GPHN: variants seen among roughly 807,000 people sequenced by gnomAD.
GPHN encodes gephyrin.
Under a neutral mutation model 95.5 loss-of-function variants are expected in GPHN, and 17 were observed. The ratio of observed to expected loss-of-function variants is 0.18; its 90% CI spans 0.12 to 0.27. The LOEUF (loss-of-function observed/expected upper bound fraction) is 0.27, where lower values mean the gene tolerates loss of function less well. GPHN is among the 10% of genes least tolerant of loss of function. The probability of loss-of-function intolerance (pLI) is 1.00; values close to 1 mark genes in which losing one functional copy is unlikely to be tolerated. For missense variants in GPHN, 660 were observed against 978.1 expected, an observed-to-expected ratio of 0.67 and a Z score of 4.34; for synonymous variants, 320 against 322.5, an observed-to-expected ratio of 0.99 and a Z score of 0.08.
At chr14:67,321,057 A>C in the GPHN span, 1 of 1,614,024 alleles carries the variant, frequency 6.2e-7, no homozygotes, top group Non-Finnish European at 8.5e-7. Flanking sequence ...GTTTGCCTAG[A>C]TACAACCCGG....
intron 9 of GPHN, among the ~76,000 whole-genome samples, chr14:67,004,956 C>G (rs903894914): frequency 6.6e-6 from 1 of 151,594 alleles, no homozygotes; most frequent in Admixed American, 6.6e-5. Context: ...ATCATTTAAT[C>G]GGCTTTATTG....
At chr14:67,511,340 C>T in the GPHN span, among the ~76,000 whole-genome samples, 1 of 115,912 alleles carries the variant, frequency 8.6e-6, no homozygotes, top group Non-Finnish European at 2.0e-5. Context: ...CAGCTGAAGT[C>T]TTATTTAAAA....
At chr14:67,337,325 A>C in the GPHN span, 1 of 152,244 alleles carries the variant, frequency 6.6e-6, no homozygotes, top group Non-Finnish European at 1.5e-5. Flanking sequence ...CAGCCTGGCC[A>C]ACATGGTGAA....
the GPHN span, among the ~76,000 whole-genome samples, chr14:67,526,339 GT>G: frequency 2.0e-5 from 3 of 152,204 alleles, no homozygotes; most frequent in African/African-American, 7.2e-5. Context: ...ATCTCTTCCT[GT>G]CCCCTGCCCG....
intron 4 of GPHN, among the ~76,000 whole-genome samples, chr14:66,827,168 C>T (rs938321317): frequency 1.3e-5 from 2 of 151,986 alleles, no homozygotes; most frequent in Admixed American, 6.6e-5. Flanking sequence ...GCCTGTAATC[C>T]CAGCTACTTG....
intron 12 of GPHN, among the ~76,000 whole-genome samples, chr14:67,094,401 T>A (rs922131916): frequency 6.6e-6 from 1 of 152,186 alleles, no homozygotes; most frequent in African/African-American, 2.4e-5. Context: ...TGGTTTATAT[T>A]GCTTTTATCA....
the GPHN span, among the ~76,000 whole-genome samples, chr14:67,187,658 C>T: frequency 6.2e-4 from 94 of 152,322 alleles, no homozygotes; most frequent in South Asian, 2.1e-4. Context: ...CATCTAGGCT[C>T]TTCTTCCGTG....
the GPHN span, chr14:67,332,634 A>G: frequency 1.4e-6 from 1 of 719,018 alleles, no homozygotes; most frequent in Non-Finnish European, 2.2e-6. Flanking sequence ...TGTGGCCGTG[A>G]CAGGGTTGGA....
At position 66,545,470 on chromosome 14, in the gene GPHN, G is replaced by A. The variant is rs552565774; in HGVS notation, c.64+36879G>A. ...CCAGTAGGGGTGGCTGGGCAGAGGC[G>A]CCCCTCACCTCCCGGACGGGGCGGC... On this transcript the variant is annotated intron_variant, in intron 1 of 22. Transcript: ENST00000478722. Among the ~76,000 whole-genome samples, 22 of 126,534 alleles carry A rather than the reference G, an allele frequency of 1.7e-4. No homozygotes were observed. In the Admixed American group the frequency reaches 1.8e-3, roughly 10 times the overall value. The allele number at this position is 126,534 out of a possible 152,430, so 83.0% of individuals were successfully genotyped here. A position where few individuals can be genotyped will look rare whatever the true frequency, so the allele number is the denominator to read the frequency against.
At chr14:66,512,396 T>C (rs1262027654) in intron 1 of GPHN, among the ~76,000 whole-genome samples, 1 of 151,852 alleles carries the variant, frequency 6.6e-6, no homozygotes, top group Admixed American at 6.6e-5. Flanking sequence ...GATTATTCCA[T>C]TGGCTACTGA....
At chr14:67,195,934 GC>G in the GPHN span, among the ~76,000 whole-genome samples, 1 of 152,106 alleles carries the variant, frequency 6.6e-6, no homozygotes, top group African/African-American at 2.4e-5. Context: ...ACAGGTGCAT[GC>G]CACCACACCT....
intron 20 of GPHN, among the ~76,000 whole-genome samples, chr14:67,168,588 T>C (rs775549626): frequency 6.6e-6 from 1 of 152,166 alleles, no homozygotes; most frequent in Non-Finnish European, 1.5e-5. Context: ...CAAATAGATA[T>C]ATAAAACTTG....
At chr14:66,983,008 T>C (rs990900859) in intron 9 of GPHN, among the ~76,000 whole-genome samples, 1 of 152,124 alleles carries the variant, frequency 6.6e-6, no homozygotes, top group Non-Finnish European at 1.5e-5. Flanking sequence ...CCTGGCACTT[T>C]TGGGAGGCCG....
the GPHN span, chr14:67,722,627 T>C: frequency 1.9e-6 from 3 of 1,612,694 alleles, no homozygotes; most frequent in Admixed American, 1.7e-5. Flanking sequence ...CAACAGCAGC[T>C]ACAGAAGTTG....
chr14:66,647,996 G>A (rs1053124366), intron 1 of GPHN, among the ~76,000 whole-genome samples: 12 of 152,114 alleles, frequency 7.9e-5, no homozygotes, highest in South Asian at 4.1e-4. Context: ...AAAGCTAGGC[G>A]TCACAGTTGG....
At chr14:66,640,831 C>T (rs369390150) in intron 1 of GPHN, among the ~76,000 whole-genome samples, 2 of 152,078 alleles carry the variant, frequency 1.3e-5, no homozygotes, top group South Asian at 2.1e-4. Context: ...CAGAGTTGAC[C>T]TTGGGGATGT....
chr14:67,198,234 G>A, the GPHN span: 2 of 1,613,828 alleles, frequency 1.2e-6, no homozygotes, highest in African/African-American at 2.7e-5. Context: ...ACACTCCCAT[G>A]ATCCGAGAGA....
chr14:67,013,677 T>C (rs1486144951), intron 9 of GPHN, among the ~76,000 whole-genome samples: 1 of 152,026 alleles, frequency 6.6e-6, no homozygotes, highest in African/African-American at 2.4e-5. Flanking sequence ...TGAATGCTAG[T>C]TAAGCATTTA....
chr14:67,341,992 TC>T, the GPHN span, among the ~76,000 whole-genome samples: 1 of 151,536 alleles, frequency 6.6e-6, no homozygotes. Context: ...GGCAGCATGC[TC>T]GTTAAGAGTC....
Sources: gnomAD v4.1 joint callset for allele counts (sites outside exome capture counted in the v4.1 genomes callset) on GRCh38, gnomAD v4.1.1 for gene constraint, MANE v1.5 for transcripts, NCBI Gene and HGNC (gene_info 2026-07-23, HGNC 2026-07-21) for gene names.